STARD13: variants seen among roughly 807,000 people sequenced by gnomAD.
STARD13 encodes the protein stAR-related lipid transfer protein 13.
STARD13 carries 62 observed loss-of-function variants against 106.4 expected under a neutral mutation model. The observed-to-expected ratio is 0.58, with a 90% CI of 0.48 to 0.72. The LOEUF (loss-of-function observed/expected upper bound fraction) is 0.72. Among genes scored for constraint, STARD13 ranks in the 30% least tolerant of loss-of-function variants. STARD13 has a pLI of 0.00. For missense variants in STARD13, 1,387 were observed against 1,424.0 expected, an observed-to-expected ratio of 0.97 and a Z score of 0.42; for synonymous variants, 565 against 553.0, an observed-to-expected ratio of 1.02 and a Z score of -0.31.
chr13:33,359,920 T>C, the STARD13 span, among the ~76,000 whole-genome samples: 1 of 152,222 alleles, frequency 6.6e-6, no homozygotes, highest in Non-Finnish European at 1.5e-5. Context: ...AAATCTATCA[T>C]TAAGCCCTTG....
At chr13:33,643,159 GCACACACA>G in the STARD13 span, among the ~76,000 whole-genome samples, 418 of 139,818 alleles carry the variant, frequency 3.0e-3, 1 homozygote, top group African/African-American at 9.6e-3. Flanking sequence ...CATAGAACAT[GCACACACA>G]CACACACACA....
the STARD13 span, among the ~76,000 whole-genome samples, chr13:33,489,287 T>C: frequency 9.2e-5 from 14 of 152,256 alleles, no homozygotes; most frequent in African/African-American, 3.4e-4. Context: ...TGTAGTCATA[T>C]AGCCTTTATA....
the STARD13 span, among the ~76,000 whole-genome samples, chr13:33,409,540 C>G: frequency 4.2e-3 from 633 of 152,296 alleles, 29 homozygotes; most frequent in East Asian, 0.093. Flanking sequence ...TCATAACGTT[C>G]TTGCTTGGTG....
At position 33,130,918 on chromosome 13, in the gene STARD13, C is replaced by T. The variant is rs9536498; in HGVS notation, c.388-629G>A. Reference sequence around the variant, plus strand: ...GGAGATCGCTATTTGTGATCCAATCCGGCTACTCTGCATGAGCGTCTTTTT... The same window carrying T: ...GGAGATCGCTATTTGTGATCCAATCTGGCTACTCTGCATGAGCGTCTTTTT... On this transcript the variant is annotated intron_variant, in intron 4 of 13. Coordinates refer to ENST00000336934, the MANE Select transcript of STARD13 (RefSeq NM_178006.4). The surrounding 1 kb of genome is among the most constrained non-coding windows in gnomAD (Gnocchi z 4.1). Among the ~76,000 whole-genome samples, 35,707 of 152,166 alleles carry T rather than the reference C, an allele frequency of 0.23. 4,403 individuals are homozygous for T. Among genetic ancestry groups the T allele is most frequent in the South Asian group, 0.3 (1,424 of 4,826 alleles).
At position 33,306,771 on chromosome 13, in the gene STARD13, G is replaced by A. The variant is rs576322007; in HGVS notation, c.124+43519C>T. On this transcript the variant is annotated intron_variant, in intron 1 of 5. Transcript: ENST00000567873. ...TCGAGACCAGCCTGGCCAACATGGT[G>A]AAACTCTGTCTCTACTAAAAATACA... Among the ~76,000 whole-genome samples the A allele has an allele frequency of 5.9e-5, 9 of 152,222 alleles. No individual in the cohort carries two copies. In the South Asian group the frequency reaches 1.9e-3, roughly 32 times the overall value.
chr13:33,293,182 A>G (rs565748357), intron 1 of STARD13, among the ~76,000 whole-genome samples: 3 of 152,254 alleles, frequency 2.0e-5, no homozygotes, highest in East Asian at 1.9e-4. Context: ...CTCCCAATTT[A>G]TAATTACATA....
the STARD13 span, among the ~76,000 whole-genome samples, chr13:33,468,573 AC>A: frequency 4.6e-5 from 6 of 131,046 alleles, no homozygotes; most frequent in African/African-American, 1.4e-4. Flanking sequence ...ATCTTTGCCC[AC>A]CCCCTCCCCC....
chr13:33,277,697 G>A (rs1321112299), intron 1 of STARD13: 1 of 152,110 alleles, frequency 6.6e-6, no homozygotes, highest in African/African-American at 2.4e-5. Context: ...CTACATTATG[G>A]TAAGACAAAG....
At position 33,130,819 on chromosome 13, in the gene STARD13, C is replaced by T. The variant is rs1044260308; in HGVS notation, c.388-530G>A. Among the ~76,000 whole-genome samples the T allele has an allele frequency of 2.0e-5, 3 of 152,174 alleles. No homozygotes were observed. The highest frequency in any genetic ancestry group is 4.8e-5 in the African/African-American group (2 of 41,448). ...TTAGTCCCCTGCACTTGATTCTTAT[C>T]GTGTATTCCCTGGATAAGGTAACAG... On this transcript the variant is annotated intron_variant, in intron 4 of 13. Coordinates refer to ENST00000336934, the MANE Select transcript of STARD13 (RefSeq NM_178006.4). This position sits in a 1 kb window ranked among gnomAD's most constrained non-coding sequence, Gnocchi z 4.1.
the STARD13 span, among the ~76,000 whole-genome samples, chr13:33,471,640 T>C: frequency 1.3e-5 from 2 of 152,070 alleles, no homozygotes; most frequent in East Asian, 1.9e-4. Context: ...CCTGTTTTTT[T>C]TTTTTTTTTG....
At chr13:33,582,642 G>A in the STARD13 span, among the ~76,000 whole-genome samples, 1 of 152,154 alleles carries the variant, frequency 6.6e-6, no homozygotes, top group Non-Finnish European at 1.5e-5. Flanking sequence ...TTGCCTTGGA[G>A]TACTTTGACA....
At chr13:33,449,538 A>T in the STARD13 span, among the ~76,000 whole-genome samples, 2 of 152,130 alleles carry the variant, frequency 1.3e-5, no homozygotes, top group Non-Finnish European at 2.9e-5. Context: ...AGGTAGTCTA[A>T]TGTCACCAGG....
chr13:33,557,915 G>T, the STARD13 span, among the ~76,000 whole-genome samples: 1 of 152,180 alleles, frequency 6.6e-6, no homozygotes, highest in Non-Finnish European at 1.5e-5. Context: ...TGAAATTATA[G>T]CTGTGAGAGT....
chr13:33,574,102 A>G, the STARD13 span, among the ~76,000 whole-genome samples: 3 of 152,176 alleles, frequency 2.0e-5, no homozygotes, highest in South Asian at 4.1e-4. Context: ...TTGGAAAGCA[A>G]TGGAAGAGAG....
At chr13:33,190,040 C>A (rs374479365) in intron 1 of STARD13, among the ~76,000 whole-genome samples, 1 of 151,692 alleles carries the variant, frequency 6.6e-6, no homozygotes, top group African/African-American at 2.4e-5. Flanking sequence ...CTATAATCAC[C>A]CAGGAAGTTC....
intron 1 of STARD13, among the ~76,000 whole-genome samples, chr13:33,245,306 GA>G: frequency 6.6e-6 from 1 of 152,238 alleles, no homozygotes; most frequent in East Asian, 1.9e-4. Context: ...AGAGTAAACA[GA>G]AAAAAGACAA....
At chr13:33,439,853 C>A in the STARD13 span, 7 of 383,960 alleles carry the variant, frequency 1.8e-5, no homozygotes, top group African/African-American at 6.5e-5. Flanking sequence ...AAATAAAATG[C>A]CAACTGAGGC....
intron 1 of STARD13, among the ~76,000 whole-genome samples, chr13:33,350,097 AC>A: frequency 6.6e-6 from 1 of 152,132 alleles, no homozygotes; most frequent in Admixed American, 6.5e-5. Context: ...GCCCACACCC[AC>A]CGGGAGGCGC....
intron 1 of STARD13, among the ~76,000 whole-genome samples, chr13:33,236,246 A>G (rs1024161337): frequency 6.6e-6 from 1 of 152,232 alleles, no homozygotes; most frequent in African/African-American, 2.4e-5. Context: ...ATGGCTGGCC[A>G]GTAAGGCATG....
Sources: gnomAD v4.1 joint callset for allele counts (sites outside exome capture counted in the v4.1 genomes callset) on GRCh38, gnomAD v4.1.1 for gene constraint, Gnocchi (gnomAD v3.1) non-coding constraint, MANE v1.5 for transcripts, NCBI Gene and HGNC (gene_info 2026-07-23, HGNC 2026-07-21) for gene names.